MED13L: variants seen among roughly 807,000 people sequenced by gnomAD.
MED13L encodes mediator of RNA polymerase II transcription subunit 13-like.
A neutral mutation model predicts 220.9 loss-of-function variants in MED13L; 7 were observed. The ratio of observed to expected loss-of-function variants is 0.03; its 90% confidence interval spans 0.02 to 0.06. MED13L has a LOEUF of 0.06. MED13L is among the 10% of genes least tolerant of loss of function. MED13L has a pLI of 1.00. For synonymous variants in MED13L, 1,011 were observed against 1,015.2 expected (o/e 1.00, Z 0.08); for missense variants, 1,965 against 2,760.5 (o/e 0.71, Z 6.46).
intron 3 of MED13L, among the ~76,000 whole-genome samples, chr12:116,097,934 G>A (rs1872743999): frequency 6.6e-6 from 1 of 152,100 alleles, no homozygotes; most frequent in African/African-American, 2.4e-5. Flanking sequence ...ATTGTAAGGA[G>A]TATAACTGAT....
chr12:116,220,366 C>T (rs2138389028), intron 2 of MED13L, among the ~76,000 whole-genome samples: 1 of 152,288 alleles, frequency 6.6e-6, no homozygotes, highest in Middle Eastern at 3.4e-3. Flanking sequence ...CAGATTCCCA[C>T]TTCTCTTAGA....
At chr12:116,088,736 AGAGGG>A (rs761867053) in intron 4 of MED13L, among the ~76,000 whole-genome samples, 3 of 144,878 alleles carry the variant, frequency 2.1e-5, no homozygotes, top group Admixed American at 1.4e-4. Flanking sequence ...AGAAAAGAGG[AGAGGG>A]GAGGGGAGGG....
chr12:116,275,745 C>G (rs929137889), intron 1 of MED13L, among the ~76,000 whole-genome samples: 6 of 151,940 alleles, frequency 3.9e-5, no homozygotes, highest in Admixed American at 3.3e-4. Flanking sequence ...TCACCTCCCC[C>G]CCAAAAAAAA....
At chr12:116,194,452 A>C (rs1166230612) in intron 2 of MED13L, among the ~76,000 whole-genome samples, 1 of 151,908 alleles carries the variant, frequency 6.6e-6, no homozygotes, top group Non-Finnish European at 1.5e-5. Context: ...GGCATGAGCC[A>C]CCACTCCCAG....
intron 17 of MED13L, among the ~76,000 whole-genome samples, chr12:115,989,440 G>A (rs1028571571): frequency 1.1e-4 from 16 of 151,600 alleles, no homozygotes; most frequent in African/African-American, 3.4e-4. Flanking sequence ...ACCTATACCC[G>A]TCAGAATGTA....
chr12:116,037,364 T>C (rs993650507), intron 4 of MED13L, among the ~76,000 whole-genome samples: 5 of 152,188 alleles, frequency 3.3e-5, no homozygotes, highest in African/African-American at 1.2e-4. Flanking sequence ...AAATATTGTA[T>C]AAAATAACCT....
intron 2 of MED13L, among the ~76,000 whole-genome samples, chr12:116,222,994 T>C (rs565766483): frequency 4.6e-4 from 70 of 152,314 alleles, no homozygotes; most frequent in African/African-American, 1.6e-3. Context: ...GAGTGAAAGA[T>C]AGAAAGCTCA....
chr12:116,126,540 T>C (rs1230949675), intron 2 of MED13L, among the ~76,000 whole-genome samples: 1 of 152,216 alleles, frequency 6.6e-6, no homozygotes, highest in Non-Finnish European at 1.5e-5. Flanking sequence ...GTTGTAGTTT[T>C]AGCCATTATA....
chr12:116,045,224 A>G (rs772207946), intron 4 of MED13L, among the ~76,000 whole-genome samples: 3 of 152,286 alleles, frequency 2.0e-5, no homozygotes, highest in Middle Eastern at 3.4e-3. Flanking sequence ...AATGCCTAAA[A>G]TCCTTTTGAA....
At chr12:116,084,641 C>T (rs993509522) in intron 4 of MED13L, among the ~76,000 whole-genome samples, 1 of 151,894 alleles carries the variant, frequency 6.6e-6, no homozygotes, top group African/African-American at 2.4e-5. Context: ...AAAAATTAGC[C>T]GGGCGTGGTG....
At chr12:116,196,940 T>C (rs1881666451) in intron 2 of MED13L, among the ~76,000 whole-genome samples, 1 of 152,214 alleles carries the variant, frequency 6.6e-6, no homozygotes, top group Non-Finnish European at 1.5e-5. Flanking sequence ...ACTTAGTAAT[T>C]CTTTTTGATG....
chr12:115,968,843 G>C (rs1025931611), intron 28 of MED13L, 97 bp downstream of exon 28: 3 of 1,479,616 alleles, frequency 2.0e-6, no homozygotes, highest in Non-Finnish European at 1.9e-6. Context: ...AGACCATCAA[G>C]AACTGTGCAA....
At chr12:116,106,343 G>A (rs1873573190) in intron 3 of MED13L, among the ~76,000 whole-genome samples, 1 of 152,056 alleles carries the variant, frequency 6.6e-6, no homozygotes, top group African/African-American at 2.4e-5. Context: ...ATGCAGGAGG[G>A]TCGAGATATC....
At chr12:116,192,280 C>T (rs908176579) in intron 2 of MED13L, among the ~76,000 whole-genome samples, 6 of 152,112 alleles carry the variant, frequency 3.9e-5, no homozygotes, top group Admixed American at 6.5e-5. Context: ...TGAAAACTGC[C>T]AACATAGTTG....
intron 4 of MED13L, among the ~76,000 whole-genome samples, chr12:116,095,321 CTT>C (rs925249762): frequency 8.5e-5 from 13 of 152,120 alleles, no homozygotes; most frequent in Non-Finnish European, 1.6e-4. Flanking sequence ...CACATTGCTA[CTT>C]TTTAAAGGAT....
chr12:116,133,487 A>C (rs1397370393), intron 2 of MED13L, among the ~76,000 whole-genome samples: 1 of 152,180 alleles, frequency 6.6e-6, no homozygotes, highest in African/African-American at 2.4e-5. Context: ...AGCTGGTCTT[A>C]ACGGGCTCTA....
intron 2 of MED13L, among the ~76,000 whole-genome samples, chr12:116,229,653 T>C (rs1314410921): frequency 2.6e-5 from 4 of 152,212 alleles, no homozygotes; most frequent in African/African-American, 7.2e-5. Context: ...AATAATTTTA[T>C]CTAATTCACT....
intron 4 of MED13L, among the ~76,000 whole-genome samples, chr12:116,062,551 G>A (rs1869595756): frequency 1.4e-5 from 2 of 139,940 alleles, no homozygotes; most frequent in South Asian, 4.7e-4. Flanking sequence ...GCAGTGGCGC[G>A]ATCTTGGCTC....
At chr12:116,237,111 G>GA (rs1444300240) in intron 2 of MED13L, among the ~76,000 whole-genome samples, 1 of 151,988 alleles carries the variant, frequency 6.6e-6, no homozygotes, top group African/African-American at 2.4e-5. Flanking sequence ...ACAGTCCAAG[G>GA]AAAAAAACAG....
Sources: allele counts gnomAD v4.1 joint callset (sites outside exome capture counted in the v4.1 genomes callset), GRCh38; gene constraint gnomAD v4.1.1; transcripts MANE v1.5; gene names NCBI Gene and HGNC (gene_info 2026-07-23, HGNC 2026-07-21).